Variants in SMOC1 observed in about 807,000 individuals in gnomAD.
SMOC1 encodes SPARC related modular calcium binding 1.
A neutral mutation model predicts 56.3 loss-of-function variants in SMOC1; 22 were observed. The ratio of observed to expected loss-of-function variants is 0.39; its 90% CI spans 0.28 to 0.56. The LOEUF (loss-of-function observed/expected upper bound fraction) is 0.56. Among genes scored for constraint, SMOC1 ranks in the 20% least tolerant of loss-of-function variants. The pLI, the probability that SMOC1 is intolerant of heterozygous loss-of-function variation, is 0.61. For synonymous variants in SMOC1, 193 were observed against 215.0 expected, an observed-to-expected ratio of 0.90 and a Z score of 0.89; for missense variants, 509 against 565.4, an observed-to-expected ratio of 0.90 and a Z score of 1.01.
intron 1 of SMOC1, among the ~76,000 whole-genome samples, chr14:69,932,285 G>A (rs977583160): frequency 6.6e-6 from 1 of 152,254 alleles, no homozygotes; most frequent in Non-Finnish European, 1.5e-5. Flanking sequence ...GAGGGGGTCA[G>A]TGGCTTTATA....
At chr14:69,881,592 G>C (rs1883641265) in intron 1 of SMOC1, among the ~76,000 whole-genome samples, 1 of 152,042 alleles carries the variant, frequency 6.6e-6, no homozygotes, top group South Asian at 2.1e-4. Flanking sequence ...ATAGGCTGGT[G>C]TATGTCCAAG....
chr14:69,949,686 G>T (rs993024784), intron 1 of SMOC1, among the ~76,000 whole-genome samples: 4 of 152,220 alleles, frequency 2.6e-5, no homozygotes, highest in African/African-American at 9.6e-5. Flanking sequence ...AGGCCTGGAA[G>T]TAGCAGCAGA....
chr14:69,971,355 T>C (rs1316046081), intron 3 of SMOC1, among the ~76,000 whole-genome samples: 1 of 152,186 alleles, frequency 6.6e-6, no homozygotes, highest in Non-Finnish European at 1.5e-5. Flanking sequence ...ACAGTTGCAA[T>C]ATAAGCAGAA....
At chr14:69,916,722 C>T (rs1347368174) in intron 1 of SMOC1, among the ~76,000 whole-genome samples, 3 of 152,348 alleles carry the variant, frequency 2.0e-5, no homozygotes, top group African/African-American at 7.2e-5. Flanking sequence ...ATGTCACCTT[C>T]TCAGAGACTC....
chr14:69,944,670 T>C (rs1451778347), intron 1 of SMOC1, among the ~76,000 whole-genome samples: 1 of 152,240 alleles, frequency 6.6e-6, no homozygotes, highest in Non-Finnish European at 1.5e-5. Flanking sequence ...CATTGGCCGT[T>C]AAATTGTCAG....
At chr14:69,901,545 A>T (rs866087888) in intron 1 of SMOC1, among the ~76,000 whole-genome samples, 4 of 152,312 alleles carry the variant, frequency 2.6e-5, no homozygotes, top group Middle Eastern at 3.4e-3. Flanking sequence ...TGTGGAAAGT[A>T]AGGGGGATGT....
intron 11 of SMOC1, among the ~76,000 whole-genome samples, chr14:70,029,007 G>A (rs967449828): frequency 6.6e-6 from 1 of 152,182 alleles, no homozygotes; most frequent in Non-Finnish European, 1.5e-5. Flanking sequence ...GGATCCTCAA[G>A]GCAATTCTGA....
intron 1 of SMOC1, among the ~76,000 whole-genome samples, chr14:69,912,033 T>A (rs1884568281): frequency 6.6e-6 from 1 of 152,332 alleles, no homozygotes; most frequent in Non-Finnish European, 1.5e-5. Flanking sequence ...TGATATTTTT[T>A]ATGTATTTAT....
chr14:70,025,561 G>A (rs911688890), intron 11 of SMOC1, among the ~76,000 whole-genome samples: 6 of 152,120 alleles, frequency 3.9e-5, no homozygotes, highest in Admixed American at 1.3e-4. Context: ...CCTCTGTCCC[G>A]GCCTCGCTCT....
At chr14:69,931,133 C>G (rs763602705) in intron 1 of SMOC1, among the ~76,000 whole-genome samples, 1 of 152,212 alleles carries the variant, frequency 6.6e-6, no homozygotes, top group African/African-American at 2.4e-5. Context: ...AACTGAGGCT[C>G]GGCTGTCTTG....
chr14:69,888,072 G>A (rs1455480854), intron 1 of SMOC1, among the ~76,000 whole-genome samples: 1 of 152,208 alleles, frequency 6.6e-6, no homozygotes, highest in Non-Finnish European at 1.5e-5. Flanking sequence ...AGTGGTAGAG[G>A]ATGTCAGTGT....
chr14:69,953,067 C>T (rs1410810873), intron 2 of SMOC1, among the ~76,000 whole-genome samples: 2 of 152,202 alleles, frequency 1.3e-5, no homozygotes, highest in Admixed American at 1.3e-4. Context: ...GGTTGCAATT[C>T]TTGAACCATA....
intron 5 of SMOC1, among the ~76,000 whole-genome samples, chr14:69,985,275 C>CCTCT (rs1884326520): frequency 6.6e-6 from 1 of 152,136 alleles, no homozygotes; most frequent in Admixed American, 6.5e-5. Flanking sequence ...AGAAACTGGA[C>CCTCT]CTCTCATACA....
At chr14:69,913,850 T>C (rs1447398131) in intron 1 of SMOC1, among the ~76,000 whole-genome samples, 1 of 152,238 alleles carries the variant, frequency 6.6e-6, no homozygotes, top group African/African-American at 2.4e-5. Context: ...ATGAGGTTTA[T>C]GTTTCCTTAT....
At chr14:70,015,221 T>C (rs1449022294) in intron 10 of SMOC1, among the ~76,000 whole-genome samples, 1 of 152,098 alleles carries the variant, frequency 6.6e-6, no homozygotes, top group East Asian at 1.9e-4. Context: ...TCCACGTACA[T>C]GAGGTACCTG....
chr14:70,031,171 A>G lies in SMOC1; in HGVS notation c.*913A>G, dbSNP rs1011317524. Reference sequence around the variant, plus strand: ...TAACGCATGAGAGGGGAGGCAAAGAAGAAAAAGACACACAGAAGGGCCTTT... The same window carrying G: ...TAACGCATGAGAGGGGAGGCAAAGAGGAAAAAGACACACAGAAGGGCCTTT... On this transcript the variant is annotated 3_prime_UTR_variant, in exon 12 of 12. Coordinates refer to ENST00000361956, the MANE Select transcript of SMOC1 (RefSeq NM_001034852.3). The G allele has an allele frequency of 6.6e-6, 1 of 152,286 alleles. No individual in the cohort carries two copies. The highest frequency in any genetic ancestry group is 2.4e-5 in the African/African-American group (1 of 41,462). The allele number at this position is 152,286 out of a possible 1,614,324, so 9.4% of individuals were successfully genotyped here.
intron 11 of SMOC1, among the ~76,000 whole-genome samples, chr14:70,028,551 T>G (rs1478531552): frequency 2.0e-5 from 3 of 152,212 alleles, no homozygotes; most frequent in African/African-American, 7.2e-5. Flanking sequence ...GGTAACAGGA[T>G]TAGCACATAA....
intron 1 of SMOC1, among the ~76,000 whole-genome samples, chr14:69,893,592 G>A (rs1405033707): frequency 2.6e-5 from 4 of 152,150 alleles, no homozygotes; most frequent in African/African-American, 9.7e-5. Flanking sequence ...TTTTTTGGAT[G>A]TAACTATAGA....
At chr14:69,932,768 A>G (rs2139395848) in intron 1 of SMOC1, among the ~76,000 whole-genome samples, 1 of 152,236 alleles carries the variant, frequency 6.6e-6, no homozygotes, top group South Asian at 2.1e-4. Flanking sequence ...GACCACTTAC[A>G]GGAGCTGTGA....
Sources: gnomAD v4.1 joint callset for allele counts (sites outside exome capture counted in the v4.1 genomes callset) on GRCh38, gnomAD v4.1.1 for gene constraint, MANE v1.5 for transcripts, NCBI Gene and HGNC (gene_info 2026-07-23, HGNC 2026-07-21) for gene names.